The following ERICH1 variants were observed in gnomAD, a reference collection of about 807,000 sequenced individuals.
The protein encoded by ERICH1 is glutamate rich 1.
In ERICH1, 56 loss-of-function variants were observed where a neutral mutation model predicts 39.6. That is an observed-to-expected ratio of 1.41 (90% CI 1.14 to 1.77). ERICH1 has a LOEUF of 1.77. ERICH1 is among the 40% of genes most tolerant of loss of function. The pLI is 0.00. For synonymous variants in ERICH1, 313 were observed against 223.6 expected (o/e 1.40, Z -3.57); for missense variants, 826 against 575.4 (o/e 1.44, Z -4.45).
At chr8:678,556 AG>A (rs1805377767) in intron 3 of ERICH1, among the ~76,000 whole-genome samples, 1 of 152,226 alleles carries the variant, frequency 6.6e-6, no homozygotes, top group Non-Finnish European at 1.5e-5. Context: ...AAACATTTAA[AG>A]AAAAAGTCTT....
chr8:693,033 TAAC>T (rs1310729009), intron 2 of ERICH1, among the ~76,000 whole-genome samples: 9 of 152,104 alleles, frequency 5.9e-5, no homozygotes, highest in African/African-American at 2.2e-4. Flanking sequence ...CCACACGTGC[TAAC>T]AACATGTGTA....
At chr8:707,052 G>A (rs1263568198) in intron 2 of ERICH1, among the ~76,000 whole-genome samples, 1 of 151,752 alleles carries the variant, frequency 6.6e-6, no homozygotes. Flanking sequence ...CAAAGTTGAG[G>A]GACCCACACT....
At chr8:637,767 C>T (rs1798556302) in intron 3 of ERICH1, among the ~76,000 whole-genome samples, 1 of 152,224 alleles carries the variant, frequency 6.6e-6, no homozygotes, top group African/African-American at 2.4e-5. Context: ...GCCACGGCTG[C>T]TCAGTTGGGG....
At chr8:705,123 C>G (rs1812969277) in intron 2 of ERICH1, among the ~76,000 whole-genome samples, 1 of 152,228 alleles carries the variant, frequency 6.6e-6, no homozygotes, top group Non-Finnish European at 1.5e-5. Context: ...GAACAAATAT[C>G]AATCAATTGG....
chr8:668,866 C>G lies in ERICH1; in HGVS notation c.1064-74G>C, dbSNP rs183010078. 676 of 1,392,604 alleles carry G rather than the reference C, an allele frequency of 4.9e-4. 2 individuals are homozygous for G. Among genetic ancestry groups the G allele is most frequent in the South Asian group, 3.6e-3 (256 of 70,726 alleles). The allele number at this position is 1,392,604 out of a possible 1,614,324, so 86.3% of individuals were successfully genotyped here. On this transcript the variant is annotated intron_variant, in intron 4 of 5. Transcript: ENST00000262109. ...ATAAACTAAAGATAAGCTTTCCTCT[C>G]TTAAGGAAGGTCTCAAACCTACGCT...
chr8:731,058 T>A, intron 1 of ERICH1, 82 bp downstream of exon 1: 3 of 1,350,170 alleles, frequency 2.2e-6, no homozygotes, highest in Non-Finnish European at 2.9e-6. Flanking sequence ...GGGGCCGGGG[T>A]CGGGGTCCCG....
chr8:640,860 A>C (rs1418610312), intron 3 of ERICH1: 1 of 152,248 alleles, frequency 6.6e-6, no homozygotes, highest in Non-Finnish European at 1.5e-5. Context: ...AATTGAAAAT[A>C]TTAGAAATTG....
In ERICH1 at chr8:713,511, G is replaced by A. The variant is rs77044962; in HGVS notation, c.169+2350C>T. ...GCTTAGTGTAACCCCGTATCTAGGA[G>A]ACGTGAAGGGAACTTTTTCCTTCTC... On this transcript the variant is annotated intron_variant, in intron 2 of 5. Coordinates refer to ENST00000262109, the MANE Select transcript of ERICH1 (RefSeq NM_207332.3). Among the ~76,000 whole-genome samples, 11 of 152,288 alleles carry A rather than the reference G, an allele frequency of 7.2e-5. No homozygotes were observed. In the East Asian group the frequency reaches 2.1e-3, roughly 29 times the overall value.
At chr8:689,058 A>G (rs1252516408) in intron 3 of ERICH1, among the ~76,000 whole-genome samples, 1 of 152,240 alleles carries the variant, frequency 6.6e-6, no homozygotes, top group Non-Finnish European at 1.5e-5. Context: ...CTCCAAGATG[A>G]TATTTTCCCA....
At chr8:689,461 G>A (rs1047900490) in intron 3 of ERICH1, among the ~76,000 whole-genome samples, 1 of 152,190 alleles carries the variant, frequency 6.6e-6, no homozygotes, top group African/African-American at 2.4e-5. Flanking sequence ...AAACCTAACG[G>A]ACTGATCAAT....
chr8:643,387 A>T (rs1799241609), intron 3 of ERICH1, among the ~76,000 whole-genome samples: 1 of 152,150 alleles, frequency 6.6e-6, no homozygotes, highest in Admixed American at 6.5e-5. Flanking sequence ...GGTGCCTCAG[A>T]GTCTGGCACA....
chr8:700,063 GCCCTCACAGGCGCACAGA>G (rs1811536526), intron 2 of ERICH1, among the ~76,000 whole-genome samples: 2 of 55,934 alleles, frequency 3.6e-5, no homozygotes. Context: ...ACGCGCACAG[GCCCTCACAGGCGCACAGA>G]CCCGCACACG....
intron 3 of ERICH1, among the ~76,000 whole-genome samples, chr8:643,804 T>C (rs1391104124): frequency 5.9e-5 from 9 of 152,142 alleles, no homozygotes; most frequent in Admixed American, 5.2e-4. Flanking sequence ...TCCTTTTTAT[T>C]GTAGTGAGGA....
At chr8:699,353 GC>G (rs1305600273) in intron 2 of ERICH1, among the ~76,000 whole-genome samples, 1 of 152,172 alleles carries the variant, frequency 6.6e-6, no homozygotes, top group African/African-American at 2.4e-5. Flanking sequence ...TGCTGTCCCA[GC>G]GGCCTTCTTC....
At chr8:708,692 T>TG (rs1563319577) in intron 2 of ERICH1, among the ~76,000 whole-genome samples, 6 of 17,704 alleles carry the variant, frequency 3.4e-4, no homozygotes, top group Admixed American at 7.4e-4. Flanking sequence ...TTTTTTTTTT[T>TG]TTTTTTTTTT....
chr8:668,457 T>C, intron 5 of ERICH1, 141 bp downstream of exon 5: 1 of 761,910 alleles, frequency 1.3e-6, no homozygotes, highest in Non-Finnish European at 2.2e-6. Context: ...TGTTTCTCTC[T>C]GGGACTCTAT....
At chr8:680,962 C>T (rs531131987) in intron 3 of ERICH1, among the ~76,000 whole-genome samples, 2 of 152,200 alleles carry the variant, frequency 1.3e-5, no homozygotes, top group Non-Finnish European at 2.9e-5. Flanking sequence ...TGGTGACGGA[C>T]ACATTCATTA....
intron 3 of ERICH1, among the ~76,000 whole-genome samples, chr8:656,541 T>C (rs973221484): frequency 7.2e-5 from 11 of 152,242 alleles, no homozygotes; most frequent in Admixed American, 3.3e-4. Context: ...CCATGCACCA[T>C]GGATTACACT....
intron 3 of ERICH1, among the ~76,000 whole-genome samples, chr8:617,590 T>C (rs116855023): frequency 2.0e-5 from 3 of 151,622 alleles, no homozygotes; most frequent in East Asian, 2.0e-4. Context: ...CTCTGAGTGC[T>C]TGGTGCTCCA....
Sources: allele counts gnomAD v4.1 joint callset (sites outside exome capture counted in the v4.1 genomes callset), GRCh38; gene constraint gnomAD v4.1.1; transcripts MANE v1.5; gene names NCBI Gene and HGNC (gene_info 2026-07-23, HGNC 2026-07-21).